NFX1: variants seen among roughly 807,000 people sequenced by gnomAD.
The protein encoded by NFX1 is nuclear transcription factor, X-box binding 1, also known as transcriptional repressor NF-X1.
Under a neutral mutation model 137.2 loss-of-function variants are expected in NFX1, and 69 were observed. The ratio of observed to expected loss-of-function variants is 0.50; its 90% CI spans 0.41 to 0.61. The LOEUF (loss-of-function observed/expected upper bound fraction) is 0.61. NFX1 is among the 20% of genes least tolerant of loss of function. The probability of loss-of-function intolerance (pLI) is 0.00; values close to 1 mark genes in which losing one functional copy is unlikely to be tolerated. For synonymous variants in NFX1, 495 were observed against 474.1 expected (o/e 1.04, Z -0.57); for missense variants, 1,167 against 1,391.0 (o/e 0.84, Z 2.56).
intron 3 of NFX1, among the ~76,000 whole-genome samples, chr9:33,302,988 A>G (rs1219922326): frequency 1.5e-5 from 2 of 137,906 alleles, no homozygotes; most frequent in South Asian, 4.5e-4. Context: ...TTTTTTTTTA[A>G]TGAACCCCAT....
rs775488644 is a variant in NFX1, at chr9:33,347,090, T to A, written c.2397T>A (p.Thr799=). 4 of 1,613,486 alleles carry A rather than the reference T, an allele frequency of 2.5e-6. No individual in the cohort carries two copies. The Admixed American group carries it at 5.0e-5, about 20-fold the overall frequency. Residue 799 remains threonine, a synonymous_variant, in exon 15 of 24, where the codon ACT becomes ACA. Transcript: ENST00000379540. The stretch of plus-strand genomic sequence containing the variant: ...AGTGTCCCCCTTGCACTTTCCTAAC[T>A]CAGAAGTGGTGCATGGGCAAGCATG... ...EEKCPPCTFL[T]QKWCMGKHEF...
At chr9:33,319,222 A>G in intron 9 of NFX1, 95 bp downstream of exon 9, 1 of 990,078 alleles carries the variant, frequency 1.0e-6, no homozygotes, top group East Asian at 2.5e-5. Context: ...TGCTAGTTAC[A>G]ATATCAGAGG....
intron 2 of NFX1, among the ~76,000 whole-genome samples, chr9:33,297,202 A>G (rs1821387363): frequency 6.6e-6 from 1 of 152,210 alleles, no homozygotes; most frequent in Non-Finnish European, 1.5e-5. Flanking sequence ...ATCAAGCTGA[A>G]TAGTTTTATT....
Position 33,307,236 on chromosome 9 carries a change from A to T in NFX1, c.1313A>T (p.His438Leu). 1 of 1,614,190 alleles carries T rather than the reference A, an allele frequency of 6.2e-7. No individual in the cohort carries two copies. Among genetic ancestry groups the T allele is most frequent in the Non-Finnish European group, 8.5e-7 (1 of 1,180,010 alleles). Reference sequence around the variant, plus strand: ...GAGTGGAGCAGAAATGAAATTCCACATAGCTGTGGTGAGGTTTGTAGAAAG... The same window carrying T: ...GAGTGGAGCAGAAATGAAATTCCACTTAGCTGTGGTGAGGTTTGTAGAAAG... ...NPEWSRNEIP[H>L]SCGEVCRKKQ... is the part of the protein sequence containing the mutation. Residue 438 changes from histidine to leucine, a missense_variant, in exon 5 of 24, where the codon CAT (histidine) becomes CTT (leucine). His to Leu is a moderately conservative substitution (Grantham distance 99). Transcript: ENST00000379540.
At chr9:33,363,591 G>A (rs1824079906) in intron 19 of NFX1, among the ~76,000 whole-genome samples, 1 of 152,038 alleles carries the variant, frequency 6.6e-6, no homozygotes, top group Non-Finnish European at 1.5e-5. Flanking sequence ...GCCAAGAAAT[G>A]TATAAAAATG....
intron 5 of NFX1, among the ~76,000 whole-genome samples, chr9:33,308,089 G>A (rs949716227): frequency 6.6e-6 from 1 of 152,018 alleles, no homozygotes; most frequent in Non-Finnish European, 1.5e-5. Context: ...ACTGGTGTGA[G>A]CCACCACACC....
At chr9:33,322,518 C>A (rs189674181) in intron 9 of NFX1, among the ~76,000 whole-genome samples, 1 of 152,274 alleles carries the variant, frequency 6.6e-6, no homozygotes, top group Admixed American at 6.5e-5. Flanking sequence ...CTGGTGAGTG[C>A]AGCTGAGCAG....
intron 11 of NFX1, among the ~76,000 whole-genome samples, chr9:33,337,176 A>T (rs1474207285): frequency 1.3e-5 from 2 of 152,194 alleles, no homozygotes; most frequent in African/African-American, 4.8e-5. Flanking sequence ...AGCCTTCCAT[A>T]TCCATGGGTT....
At chr9:33,349,810 C>T (rs1016392442) in intron 15 of NFX1, among the ~76,000 whole-genome samples, 4 of 152,108 alleles carry the variant, frequency 2.6e-5, no homozygotes, top group Non-Finnish European at 5.9e-5. Context: ...AAAACAGCCT[C>T]CTAGCCTGGG....
At chr9:33,365,292 G>T in intron 21 of NFX1, 1 of 153,730 alleles carries the variant, frequency 6.5e-6, no homozygotes, top group South Asian at 2.0e-4. Context: ...AAGAAAGAAA[G>T]AAAGAAAGCT....
At chr9:33,311,036 C>T (rs1564110365) in intron 5 of NFX1, 70 bp from the exon 6 acceptor site, 4 of 1,418,118 alleles carry the variant, frequency 2.8e-6, no homozygotes, top group Admixed American at 1.7e-5. Context: ...CAATAAGACC[C>T]AGCTGGGACA....
At chr9:33,353,199 C>A (rs937521975) in intron 17 of NFX1, among the ~76,000 whole-genome samples, 1 of 152,070 alleles carries the variant, frequency 6.6e-6, no homozygotes, top group Non-Finnish European at 1.5e-5. Flanking sequence ...CTCTTTTGGT[C>A]GTATTACATT....
At chr9:33,324,975 G>C (rs1822527238) in intron 9 of NFX1, among the ~76,000 whole-genome samples, 1 of 151,326 alleles carries the variant, frequency 6.6e-6, no homozygotes, top group Admixed American at 6.6e-5. Context: ...CGGACAGAGA[G>C]AAAATATAAT....
Position 33,364,078 on chromosome 9 carries a change from A to G in NFX1, c.2942A>G (p.Lys981Arg), listed in dbSNP as rs1339486298. 1.8e-5 allele frequency: 29 copies of G among 1,603,842 alleles called. No individual in the cohort carries two copies. Among genetic ancestry groups the G allele is most frequent in the Non-Finnish European group, 2.4e-5 (28 of 1,175,960 alleles). The change falls in exon 20 of 24, where the codon AAA becomes AGA. Residue 981 changes from lysine (K) to arginine (R), a missense_variant. By Grantham distance (26) the Lys-to-Arg change is conservative (BLOSUM62 2). Transcript: ENST00000379540. ...DPFNIRSSGS[K>R]FSDSLKEDAR... Reference sequence around the variant, plus strand: ...TTCAATATACGTTCTTCAGGGTCAAAATTCAGTGATAGTTTGAAAGAAGAT... The same window carrying G: ...TTCAATATACGTTCTTCAGGGTCAAGATTCAGTGATAGTTTGAAAGAAGAT...
At chr9:33,356,518 C>T (rs1333491592) in intron 19 of NFX1, among the ~76,000 whole-genome samples, 3 of 151,710 alleles carry the variant, frequency 2.0e-5, no homozygotes, top group Non-Finnish European at 4.4e-5. Flanking sequence ...TAATATTATC[C>T]AGTTTATTTG....
At chr9:33,356,600 G>A (rs1823817233) in intron 19 of NFX1, among the ~76,000 whole-genome samples, 1 of 152,056 alleles carries the variant, frequency 6.6e-6, no homozygotes, top group Non-Finnish European at 1.5e-5. Context: ...ACAATATTCT[G>A]TTATTATCTA....
chr9:33,334,131 T>C (rs954742366), intron 11 of NFX1, among the ~76,000 whole-genome samples: 2 of 151,676 alleles, frequency 1.3e-5, no homozygotes, highest in African/African-American at 4.9e-5. Context: ...GGCGACAGAG[T>C]GAGACTCCGT....
chr9:33,313,768 G>A lies in NFX1; in HGVS notation c.1563G>A (p.Gln521=). The A allele has an allele frequency of 1.9e-6, 3 of 1,614,124 alleles. No homozygotes were observed. The highest frequency in any genetic ancestry group is 2.5e-6 in the Non-Finnish European group (3 of 1,180,004). Residue 521 remains glutamine, a synonymous_variant, in exon 7 of 24, where the codon CAG becomes CAA. Coordinates refer to ENST00000379540, the MANE Select transcript of NFX1 (RefSeq NM_002504.6). The stretch of plus-strand genomic sequence containing the variant: ...AGCTGTGCCATGGGGGTCAGTGCCA[G>A]CCTTGCCAGATCATTTTGAACCAGG... ...CAELCHGGQC[Q]PCQIILNQVC... is the part of the protein sequence containing the mutation.
chr9:33,303,454 C>T (rs1247941302), intron 4 of NFX1, among the ~76,000 whole-genome samples, 186 bp downstream of exon 4: 1 of 148,618 alleles, frequency 6.7e-6, no homozygotes, highest in Non-Finnish European at 1.5e-5. Context: ...TCCTGGCAAG[C>T]TGTTCTGGAG....
Sources: allele counts gnomAD v4.1 joint callset (sites outside exome capture counted in the v4.1 genomes callset), GRCh38; gene constraint gnomAD v4.1.1; transcripts MANE v1.5; gene names NCBI Gene and HGNC (gene_info 2026-07-23, HGNC 2026-07-21).